SLC22A14: variants seen among roughly 807,000 people sequenced by gnomAD.
SLC22A14 encodes solute carrier family 22 member 14, also known as organic cation transporter-like 4.
Under a neutral mutation model 53.9 loss-of-function variants are expected in SLC22A14, and 50 were observed. The ratio of observed to expected loss-of-function variants is 0.93; its 90% CI spans 0.74 to 1.17. The LOEUF (loss-of-function observed/expected upper bound fraction) is 1.17. Ranked by LOEUF, SLC22A14 falls within the 50% of genes most tolerant of loss-of-function variation. SLC22A14 has a pLI of 0.00. For missense variants in SLC22A14, 671 were observed against 734.7 expected (o/e 0.91, Z 1.00); for synonymous variants, 312 against 303.0 (o/e 1.03, Z -0.31).
upstream of SLC22A14, among the ~76,000 whole-genome samples, chr3:38,281,088 G>A (rs1703659438): frequency 6.6e-6 from 1 of 152,146 alleles, no homozygotes; most frequent in African/African-American, 2.4e-5. Flanking sequence ...AACTCTAGGG[G>A]GGATGAGGGG....
rs1483435762 is a variant in SLC22A14, at chr3:38,313,877, G to C, written c.1314G>C (p.Trp438Cys). The change falls in exon 8 of 11, where the codon TGG (tryptophan) becomes TGC (cysteine). Residue 438 changes from tryptophan to cysteine, a missense_variant. Coordinates refer to ENST00000448498, the MANE Select transcript of SLC22A14 (RefSeq NM_001320033.2). ...IFLLQQIGRKWSLAVTLLQAI... is the reference protein window; with the variant it reads ...IFLLQQIGRKCSLAVTLLQAI... ...TCCTCCAGCAGATTGGGAGGAAGTGGAGCCTGGCTGTGACTCTCCTCCAAG... is the reference window on the plus strand; with the variant it reads ...TCCTCCAGCAGATTGGGAGGAAGTGCAGCCTGGCTGTGACTCTCCTCCAAG... The C allele has an allele frequency of 1.9e-6, 3 of 1,614,016 alleles. No individual in the cohort carries two copies. The highest frequency in any genetic ancestry group is 2.5e-6 in the Non-Finnish European group (3 of 1,180,002).
At chr3:38,296,116 C>T (rs1182045938) in intron 1 of SLC22A14, among the ~76,000 whole-genome samples, 1 of 152,236 alleles carries the variant, frequency 6.6e-6, no homozygotes, top group East Asian at 1.9e-4. Context: ...TGGGGCTACA[C>T]TTTCAAGAAA....
At chr3:38,317,305 C>T (rs73064832) in intron 10 of SLC22A14, among the ~76,000 whole-genome samples, 14,353 of 152,222 alleles carry the variant, frequency 0.094, 694 homozygotes, top group East Asian at 0.18. Context: ...ATGCTAGGCA[C>T]TGTGCCAGGG....
chr3:38,287,878 T>G (rs918812957), intron 1 of SLC22A14, among the ~76,000 whole-genome samples: 1 of 152,162 alleles, frequency 6.6e-6, no homozygotes, highest in Non-Finnish European at 1.5e-5. Context: ...TCTGTATGTT[T>G]TATCATTATT....
At position 38,313,712 on chromosome 3, in the gene SLC22A14, C is replaced by G. The variant is rs1390936038; in HGVS notation, c.1164-15C>G. 7.7e-7 allele frequency: 1 copy of G among 1,296,112 alleles called. No homozygotes were observed. Among genetic ancestry groups the G allele is most frequent in the Non-Finnish European group, 1.1e-6 (1 of 951,974 alleles). The allele number at this position is 1,296,112 out of a possible 1,614,324, so 80.3% of individuals were successfully genotyped here. ...CGCGCGTGTGCACGCGCACTTGCCT[C>G]CTGGCTTCATCCAGGTTTACCGTCA... On this transcript the variant is annotated splice_polypyrimidine_tract_variant and intron_variant, in intron 7 of 10. Transcript: ENST00000448498.
upstream of SLC22A14, among the ~76,000 whole-genome samples, chr3:38,281,659 G>A (rs1483656143): frequency 6.6e-6 from 1 of 152,132 alleles, no homozygotes; most frequent in Admixed American, 6.5e-5. Context: ...CATCTTAAAG[G>A]CCCCATCACG....
Position 38,308,909 on chromosome 3 carries a change from G to A in SLC22A14, c.776-45G>A, listed in dbSNP as rs753916363. 8.2e-6 allele frequency: 13 copies of A among 1,589,346 alleles called. No individual in the cohort carries two copies. In the Admixed American group the frequency reaches 2.2e-4, roughly 27 times the overall value. On this transcript the variant is annotated intron_variant, in intron 4 of 10. Coordinates refer to ENST00000448498, the MANE Select transcript of SLC22A14 (RefSeq NM_001320033.2). Reference sequence around the variant, plus strand: ...AGGCTGGATGCAAGGGCAGCCCTGGGGACCCTGACGTAACCATGGTTTTGT... The same window carrying A: ...AGGCTGGATGCAAGGGCAGCCCTGGAGACCCTGACGTAACCATGGTTTTGT...
At chr3:38,309,927 G>C (rs562325812) in intron 5 of SLC22A14, among the ~76,000 whole-genome samples, 8 of 152,260 alleles carry the variant, frequency 5.3e-5, no homozygotes, top group Non-Finnish European at 1.0e-4. Flanking sequence ...ATGGGAGGTG[G>C]GGAGGAGGGA....
Position 38,302,077 on chromosome 3 carries a change from T to TA in SLC22A14, c.1-3949dup, listed in dbSNP as rs757081588. On this transcript the variant is annotated intron_variant, in intron 1 of 10. Transcript: ENST00000448498. ...GTGAAACCCCGTCTCTACTAAAAAA[T>TA]ACAAAAATTAGCCAGGCGTGGTGGT... Among the ~76,000 whole-genome samples, 10 of 150,420 alleles carry TA rather than the reference T, an allele frequency of 6.6e-5. No individual in the cohort carries two copies. In the South Asian group the frequency reaches 2.1e-3, roughly 32 times the overall value.
chr3:38,307,504 T>C lies in SLC22A14; in HGVS notation c.621-62T>C. The C allele has an allele frequency of 1.2e-6, 2 of 1,600,628 alleles. No individual in the cohort carries two copies. The highest frequency in any genetic ancestry group is 1.7e-6 in the Non-Finnish European group (2 of 1,171,812). On this transcript the variant is annotated intron_variant, in intron 3 of 10. Transcript: ENST00000448498. The surrounding 1 kb of genome is among the most constrained non-coding windows in gnomAD (Gnocchi z 4.4). The stretch of plus-strand genomic sequence containing the variant: ...TGGCTCAGGGCCTGGCCCAGGTGTA[T>C]CCGGCTGGGGCCAGCCCGGGAGATC...
Position 38,307,394 on chromosome 3 carries a change from T to G in SLC22A14, c.620+37T>G. 6.4e-7 allele frequency: 1 copy of G among 1,553,810 alleles called. No individual in the cohort carries two copies. The highest frequency in any genetic ancestry group is 8.9e-7 in the Non-Finnish European group (1 of 1,125,070). On this transcript the variant is annotated intron_variant, in intron 3 of 10. Coordinates refer to ENST00000448498, the MANE Select transcript of SLC22A14 (RefSeq NM_001320033.2). The surrounding 1 kb of genome is among the most constrained non-coding windows in gnomAD (Gnocchi z 4.4). ...GGAGTTTCTGCTGGTCCCCGAGCCA[T>G]CCCAACTCCTCCTCATGGGCATTCA...
At chr3:38,293,356 A>C (rs933874506) in intron 1 of SLC22A14, among the ~76,000 whole-genome samples, 1 of 152,132 alleles carries the variant, frequency 6.6e-6, no homozygotes, top group Non-Finnish European at 1.5e-5. Flanking sequence ...CCATGACTAA[A>C]GTGGTGGCCT....
chr3:38,297,825 C>G (rs932991488), intron 1 of SLC22A14, among the ~76,000 whole-genome samples: 3 of 152,038 alleles, frequency 2.0e-5, no homozygotes, highest in Non-Finnish European at 2.9e-5. Flanking sequence ...TTATTTTCCC[C>G]TTTGTAAATG....
At chr3:38,305,122 G>A (rs1226302479) in intron 1 of SLC22A14, 4 of 152,094 alleles carry the variant, frequency 2.6e-5, no homozygotes, top group South Asian at 2.1e-4. Flanking sequence ...GTTCATTTTC[G>A]TAATTACAAC....
rs1704309243 is a variant in SLC22A14, at chr3:38,306,478, A to G, written c.452A>G (p.Asp151Gly). The change falls in exon 2 of 11, where the codon GAC becomes GGC. Residue 151 changes from aspartate (D) to glycine (G), a missense_variant. Coordinates refer to ENST00000448498, the MANE Select transcript of SLC22A14 (RefSeq NM_001320033.2). ...TCTATCATCCAGTTTGGCCTCAATG[A>G]CACAGACACATGCCAAGATGGGTGG... ...LDSIIQFGLN[D>G]TDTCQDGWIY... 11 of 1,614,056 alleles carry G rather than the reference A, an allele frequency of 6.8e-6. No individual in the cohort carries two copies. The highest frequency in any genetic ancestry group is 9.3e-6 in the Non-Finnish European group (11 of 1,180,024).
intron 1 of SLC22A14, among the ~76,000 whole-genome samples, chr3:38,283,344 G>C (rs369579171): frequency 3.8e-4 from 58 of 152,090 alleles, no homozygotes; most frequent in Non-Finnish European, 6.8e-4. Flanking sequence ...TCCGGGGGGC[G>C]CTTATGCAGC....
intron 1 of SLC22A14, among the ~76,000 whole-genome samples, chr3:38,286,113 G>A (rs761506320): frequency 3.9e-5 from 6 of 152,028 alleles, no homozygotes; most frequent in South Asian, 4.2e-4. Flanking sequence ...GTGGTGGTGC[G>A]CGCCTGTAAT....
At chr3:38,287,524 C>T (rs891168103) in intron 1 of SLC22A14, among the ~76,000 whole-genome samples, 8 of 152,126 alleles carry the variant, frequency 5.3e-5, no homozygotes, top group Non-Finnish European at 7.4e-5. Context: ...ATGCCACTCC[C>T]CTCTCAGATA....
At chr3:38,288,841 C>T (rs147267060) in intron 1 of SLC22A14, among the ~76,000 whole-genome samples, 185 of 151,962 alleles carry the variant, frequency 1.2e-3, no homozygotes, top group African/African-American at 3.9e-3. Context: ...TAAAGTTTCC[C>T]GTTTTTAAAA....
Sources: allele counts gnomAD v4.1 joint callset (sites outside exome capture counted in the v4.1 genomes callset), GRCh38; gene constraint gnomAD v4.1.1; non-coding constraint Gnocchi (gnomAD v3.1); transcripts MANE v1.5; gene names NCBI Gene and HGNC (gene_info 2026-07-23, HGNC 2026-07-21).